Variants in TNFRSF21 observed in about 807,000 individuals in gnomAD.
TNFRSF21 encodes the protein tumor necrosis factor receptor superfamily member 21.
TNFRSF21 carries 19 observed loss-of-function variants against 45.6 expected under a neutral mutation model. The ratio of observed to expected loss-of-function variants is 0.42; its 90% confidence interval spans 0.29 to 0.61. The LOEUF is 0.61. TNFRSF21 is among the 20% of genes least tolerant of loss of function. The pLI, the probability that TNFRSF21 is intolerant of heterozygous loss-of-function variation, is 0.23. For synonymous variants in TNFRSF21, 314 were observed against 335.5 expected (o/e 0.94, Z 0.70); for missense variants, 737 against 851.5 (o/e 0.87, Z 1.67).
rs75763412 is a variant in TNFRSF21 at position 47,253,088 on chromosome 6, C to T, written c.1509+168G>A. On this transcript the variant is annotated intron_variant, in intron 4 of 5. Coordinates refer to ENST00000296861, the MANE Select transcript of TNFRSF21 (RefSeq NM_014452.5). Reference sequence around the variant, plus strand: ...CTAATAGACGGCCACTGAGAACCCCCGTCCTAGAAGGTAGGGTGTGTGTGT... The same window carrying T: ...CTAATAGACGGCCACTGAGAACCCCTGTCCTAGAAGGTAGGGTGTGTGTGT... Among the ~76,000 whole-genome samples the T allele has an allele frequency of 4.7e-4, 72 of 151,826 alleles. 1 individual carries two copies. In the East Asian group the frequency reaches 0.013, roughly 28 times the overall value.
intron 5 of TNFRSF21, 59 bp downstream of exon 5, chr6:47,234,611 T>G (rs1436350232): frequency 7.2e-7 from 1 of 1,384,724 alleles, no homozygotes; most frequent in African/African-American, 1.4e-5. Flanking sequence ...GAGGGACGAA[T>G]CCCAGGGGCT....
chr6:47,300,905 T>A (rs1762857818), intron 1 of TNFRSF21, among the ~76,000 whole-genome samples: 1 of 152,172 alleles, frequency 6.6e-6, no homozygotes, highest in Admixed American at 6.5e-5. Flanking sequence ...ATTAAACGGA[T>A]AAAATATAAA....
At chr6:47,275,036 T>C (rs553781382) in intron 3 of TNFRSF21, among the ~76,000 whole-genome samples, 42 of 152,072 alleles carry the variant, frequency 2.8e-4, no homozygotes, top group Non-Finnish European at 4.4e-4. Flanking sequence ...TTTATGTTCC[T>C]ATATTCCCAC....
At chr6:47,239,481 C>T (rs1460044453) in intron 4 of TNFRSF21, among the ~76,000 whole-genome samples, 1 of 152,046 alleles carries the variant, frequency 6.6e-6, no homozygotes, top group East Asian at 1.9e-4. Flanking sequence ...AAATTTTATT[C>T]ATGACAAGGG....
At chr6:47,247,691 G>A (rs747856392) in intron 4 of TNFRSF21, among the ~76,000 whole-genome samples, 2 of 152,168 alleles carry the variant, frequency 1.3e-5, no homozygotes, top group Non-Finnish European at 2.9e-5. Context: ...TACTTCTCTA[G>A]CTGTTGGGAT....
At chr6:47,276,136 C>T (rs943493943) in intron 3 of TNFRSF21, among the ~76,000 whole-genome samples, 5 of 152,260 alleles carry the variant, frequency 3.3e-5, no homozygotes, top group South Asian at 2.1e-4. Flanking sequence ...TGAACCTGAG[C>T]TCTCCCAGAC....
At chr6:47,267,630 T>C (rs971212772) in intron 3 of TNFRSF21, among the ~76,000 whole-genome samples, 2 of 152,124 alleles carry the variant, frequency 1.3e-5, no homozygotes, top group African/African-American at 2.4e-5. Context: ...CTCCCTGGCC[T>C]TGTGGGAAAG....
chr6:47,276,119 A>T (rs1762493899), intron 3 of TNFRSF21, among the ~76,000 whole-genome samples: 1 of 152,176 alleles, frequency 6.6e-6, no homozygotes, highest in South Asian at 2.1e-4. Context: ...TAGTAGCTGA[A>T]TGGATTTGAA....
intron 1 of TNFRSF21, among the ~76,000 whole-genome samples, chr6:47,308,598 G>GGGAGACTGCACCACCCTGCAGGGTC (rs1320146700): frequency 6.6e-6 from 1 of 152,238 alleles, no homozygotes; most frequent in Non-Finnish European, 1.5e-5. Flanking sequence ...TAGACGATGA[G>GGGAGACTGCACCACCCTGCAGGGTC]GGAGACTGCA....
intron 1 of TNFRSF21, among the ~76,000 whole-genome samples, chr6:47,301,943 T>C (rs1055010619): frequency 2.0e-5 from 3 of 152,170 alleles, no homozygotes; most frequent in Non-Finnish European, 4.4e-5. Context: ...TTGGAATCTC[T>C]TTCTTCCTTC....
Position 47,298,001 on chromosome 6 carries a change from C to T in TNFRSF21, c.97-11406G>A, listed in dbSNP as rs192768973. The stretch of plus-strand genomic sequence containing the variant: ...AAGAGTTAAAAGAGAAACATGGGCC[C>T]ACTAGCATTTTCAAAACATTTAAAA... On this transcript the variant is annotated intron_variant, in intron 1 of 5. Coordinates refer to ENST00000296861, the MANE Select transcript of TNFRSF21 (RefSeq NM_014452.5). Among the ~76,000 whole-genome samples the T allele has an allele frequency of 1.8e-3, 281 of 152,170 alleles. 1 individual carries two copies. The highest frequency in any genetic ancestry group is 6.2e-3 in the African/African-American group (258 of 41,518).
intron 3 of TNFRSF21, among the ~76,000 whole-genome samples, chr6:47,273,042 T>C (rs914697009): frequency 6.6e-6 from 1 of 151,954 alleles, no homozygotes; most frequent in Non-Finnish European, 1.5e-5. Flanking sequence ...CACCAAAAAA[T>C]GTCCAGGACC....
At chr6:47,277,284 G>T (rs553943108) in intron 3 of TNFRSF21, among the ~76,000 whole-genome samples, 41 of 152,196 alleles carry the variant, frequency 2.7e-4, no homozygotes, top group Non-Finnish European at 5.4e-4. Flanking sequence ...GAGCCACTGC[G>T]CCCAACCCCT....
chr6:47,254,639 G>T (rs962205782), intron 3 of TNFRSF21, among the ~76,000 whole-genome samples: 1 of 152,200 alleles, frequency 6.6e-6, no homozygotes, highest in South Asian at 2.1e-4. Flanking sequence ...AACTAACAGT[G>T]TGCCCAGCTG....
At chr6:47,300,198 G>A (rs146918973) in intron 1 of TNFRSF21, among the ~76,000 whole-genome samples, 15 of 152,146 alleles carry the variant, frequency 9.9e-5, no homozygotes, top group African/African-American at 3.4e-4. Context: ...TACTCAACAC[G>A]CATCCAAACT....
At chr6:47,305,940 T>C (rs1288067604) in intron 1 of TNFRSF21, among the ~76,000 whole-genome samples, 2 of 152,172 alleles carry the variant, frequency 1.3e-5, no homozygotes, top group Non-Finnish European at 2.9e-5. Flanking sequence ...TCCTTATCAC[T>C]GGCACAAACC....
intron 1 of TNFRSF21, among the ~76,000 whole-genome samples, chr6:47,292,149 C>T (rs1457188012): frequency 2.6e-5 from 4 of 152,094 alleles, no homozygotes; most frequent in Admixed American, 1.3e-4. Context: ...TTCTGTATAA[C>T]ACAACAACAA....
At position 47,294,138 on chromosome 6, in the gene TNFRSF21, TTTTTGTTTTG is replaced by T. The variant is rs749335487; in HGVS notation, c.97-7553_97-7544del. Among the ~76,000 whole-genome samples the T allele has an allele frequency of 2.0e-5, 3 of 152,156 alleles. No individual in the cohort carries two copies. The South Asian group carries it at 6.2e-4, about 32-fold the overall frequency. ...GGTTGCTAAAGATGAGTGCACAGGT[TTTTTGTTTTG>T]TTTTGTTTTGTTTTGAGATGGAGTC... On this transcript the variant is annotated intron_variant, in intron 1 of 5. Coordinates refer to ENST00000296861, the MANE Select transcript of TNFRSF21 (RefSeq NM_014452.5).
chr6:47,304,309 G>T (rs989237291), intron 1 of TNFRSF21, among the ~76,000 whole-genome samples: 26 of 146,036 alleles, frequency 1.8e-4, no homozygotes, highest in African/African-American at 6.6e-4. Flanking sequence ...AAAAAAAAAA[G>T]ATGTTTATTT....
Sources: allele counts gnomAD v4.1 joint callset (sites outside exome capture counted in the v4.1 genomes callset), GRCh38; gene constraint gnomAD v4.1.1; transcripts MANE v1.5; gene names NCBI Gene and HGNC (gene_info 2026-07-23, HGNC 2026-07-21).